SCN2A: variants seen among roughly 807,000 people sequenced by gnomAD.
SCN2A encodes sodium voltage-gated channel alpha subunit 2.
In SCN2A, 20 loss-of-function variants were observed where a neutral mutation model predicts 188.7. The observed-to-expected ratio is 0.11, with a 90% CI of 0.07 to 0.15. The LOEUF is 0.15. Ranked by LOEUF, SCN2A falls within the 10% of genes least tolerant of loss-of-function variation. The probability of loss-of-function intolerance (pLI) is 1.00; values close to 1 mark genes in which losing one functional copy is unlikely to be tolerated. For synonymous variants in SCN2A, 804 were observed against 833.1 expected (o/e 0.97, Z 0.60); for missense variants, 1,278 against 2,445.0 (o/e 0.52, Z 10.07).
At chr2:165,279,280 T>C (rs1695482542) in intron 1 of SCN2A, among the ~76,000 whole-genome samples, 1 of 152,174 alleles carries the variant, frequency 6.6e-6, no homozygotes, top group Admixed American at 6.5e-5. Flanking sequence ...TTTGAGATAA[T>C]TTTGATAAGT....
Position 165,310,341 on chromosome 2 carries a change from G to A in SCN2A, c.716G>A (p.Gly239Glu). The A allele has an allele frequency of 6.2e-7, 1 of 1,613,512 alleles. No individual in the cohort carries two copies. Among genetic ancestry groups the A allele is most frequent in the Non-Finnish European group, 8.5e-7 (1 of 1,179,566 alleles). ...TTTGTAGGCCTGAAGACCATTGTGG[G>A]GGCCCTGATCCAGTCAGTGAAGAAG... ...SVIPGLKTIV[G>E]ALIQSVKKLS... Residue 239 changes from glycine to glutamate, a missense_variant, in exon 7 of 27, where the codon GGG (glycine) becomes GAG (glutamate). By Grantham distance (98) the Gly-to-Glu change is moderately conservative (BLOSUM62 -2). Coordinates refer to ENST00000375437, the MANE Select transcript of SCN2A (RefSeq NM_001040142.2).
At chr2:165,291,436 C>CTGTT (rs1553563559) in intron 1 of SCN2A, among the ~76,000 whole-genome samples, 21 of 65,428 alleles carry the variant, frequency 3.2e-4, no homozygotes, top group African/African-American at 1.1e-3. Flanking sequence ...GTCTTTCTTT[C>CTGTT]TCTTTCTTTC....
intron 11 of SCN2A, among the ~76,000 whole-genome samples, chr2:165,319,980 T>C (rs1210471035): frequency 6.6e-6 from 1 of 152,156 alleles, no homozygotes; most frequent in Non-Finnish European, 1.5e-5. Flanking sequence ...CAGCATTAAT[T>C]CAAAAGTCCA....
At chr2:165,295,098 C>T (rs1696434960) in intron 1 of SCN2A, among the ~76,000 whole-genome samples, 2 of 152,130 alleles carry the variant, frequency 1.3e-5, no homozygotes, top group Admixed American at 1.3e-4. Flanking sequence ...TGACTTCCTG[C>T]CCGGTTTGGC....
intron 6 of SCN2A, among the ~76,000 whole-genome samples, chr2:165,309,806 A>C (rs1480153722): frequency 6.6e-6 from 1 of 152,170 alleles, no homozygotes; most frequent in Non-Finnish European, 1.5e-5. Flanking sequence ...GCTGCAGATA[A>C]ATGAAAGAGC....
At chr2:165,315,875 G>T (rs1697720342) in intron 11 of SCN2A, 117 bp downstream of exon 11, 1 of 1,180,038 alleles carries the variant, frequency 8.5e-7, no homozygotes, top group Admixed American at 2.3e-5. Context: ...TCAGAGTAGT[G>T]ATGATTATCA....
At chr2:165,265,471 C>CTCTCTCTCTCTCTCTCTA (rs1380825419) in intron 1 of SCN2A, among the ~76,000 whole-genome samples, 2 of 29,016 alleles carry the variant, frequency 6.9e-5, no homozygotes, top group Non-Finnish European at 1.3e-4. Context: ...CTCTGTTGAT[C>CTCTCTCTCTCTCTCTCTA]TATATATATA....
intron 17 of SCN2A, 67 bp from the exon 18 acceptor site, chr2:165,365,076 T>A (rs1189094225): frequency 5.1e-6 from 7 of 1,385,600 alleles, no homozygotes; most frequent in African/African-American, 4.3e-5. Flanking sequence ...GGGGCACACC[T>A]AATTAATTTT....
In SCN2A at chr2:165,323,145, G is replaced by T. The variant is rs775876331; in HGVS notation, c.1672-11G>T. 6.2e-7 allele frequency: 1 copy of T among 1,612,412 alleles called. No homozygotes were observed. The highest frequency in any genetic ancestry group is 8.5e-7 in the Non-Finnish European group (1 of 1,178,790). On this transcript the variant is annotated splice_polypyrimidine_tract_variant and intron_variant, in intron 11 of 26. Transcript: ENST00000375437. Reference sequence around the variant, plus strand: ...TCATCTCATTTTTGTTTCTTCTCTTGTTATTCATAGTCCTTACTGAGCATC... The same window carrying T: ...TCATCTCATTTTTGTTTCTTCTCTTTTTATTCATAGTCCTTACTGAGCATC...
intron 1 of SCN2A, among the ~76,000 whole-genome samples, chr2:165,240,738 T>C (rs1305605256): frequency 1.3e-5 from 2 of 148,986 alleles, no homozygotes; most frequent in African/African-American, 4.9e-5. Flanking sequence ...AGGATGTTTT[T>C]ATCTCAGTCA....
At chr2:165,307,778 G>A (rs2105241079) in intron 3 of SCN2A, 70 bp from the exon 4 acceptor site, 1 of 964,870 alleles carries the variant, frequency 1.0e-6, no homozygotes, top group Non-Finnish European at 1.7e-6. Context: ...ACTTCATGGT[G>A]GTGAAGGCAT....
chr2:165,254,088 T>C (rs887841962), intron 1 of SCN2A, among the ~76,000 whole-genome samples: 4 of 151,920 alleles, frequency 2.6e-5, no homozygotes, highest in Non-Finnish European at 5.9e-5. Flanking sequence ...GATATATTGA[T>C]GTAAATTTGA....
intron 21 of SCN2A, 148 bp downstream of exon 21, chr2:165,373,495 T>G: frequency 1.1e-6 from 1 of 883,220 alleles, no homozygotes; most frequent in Non-Finnish European, 1.7e-6. Flanking sequence ...ATTTACCAGA[T>G]GCCCATAATA....
rs2105247434 is a variant in SCN2A at position 165,310,441 on chromosome 2, C to A, written c.816C>A (p.Gly272=). The part of the protein sequence containing the change: ...FALIGLQLFM[G]NLRNKCLQWP... ...TAATAGGATTGCAGTTGTTCATGGG[C>A]AACCTACGAAATAAATGTTTGCAAT... The change falls in exon 7 of 27, where the codon GGC becomes GGA. Residue 272 remains glycine, a synonymous_variant. Transcript: ENST00000375437. The A allele has an allele frequency of 1.9e-6, 3 of 1,613,640 alleles. No individual in the cohort carries two copies. Among genetic ancestry groups the A allele is most frequent in the Admixed American group, 1.7e-5 (1 of 59,962 alleles).
In SCN2A at chr2:165,357,874, G is replaced by T. The variant is rs150211305; in HGVS notation, c.3399+3203G>T. 3.9e-5 allele frequency among the ~76,000 whole-genome samples: 6 copies of T among 152,198 alleles called. No homozygotes were observed. In the East Asian group the frequency reaches 9.7e-4, roughly 25 times the overall value. Reference sequence around the variant, plus strand: ...TTTACCCAGGTTACCCAAGCAAGTTGTACATCTATAAATATAATCAGTTTC... The same window carrying T: ...TTTACCCAGGTTACCCAAGCAAGTTTTACATCTATAAATATAATCAGTTTC... On this transcript the variant is annotated intron_variant, in intron 17 of 26. Coordinates refer to ENST00000375437, the MANE Select transcript of SCN2A (RefSeq NM_001040142.2).
Position 165,323,231 on chromosome 2 carries a change from C to G in SCN2A, c.1747C>G (p.Arg583Gly), listed in dbSNP as rs1553571901. Reference sequence around the variant, plus strand: ...GGCGAGCCTTTTCAGCTTCAGAGGTCGAGCAAAGGACATTGGCTCTGAGAA... The same window carrying G: ...GGCGAGCCTTTTCAGCTTCAGAGGTGGAGCAAAGGACATTGGCTCTGAGAA... ...SRASLFSFRG[R>G]AKDIGSENDF... Residue 583 changes from arginine to glycine, a missense_variant, in exon 12 of 27, where the codon CGA becomes GGA. Arg to Gly is a moderately radical substitution (Grantham distance 125, BLOSUM62 -2). This residue lies in a region of SCN2A where 315 missense variants were observed against 386.6 expected (regional missense o/e 0.81). Coordinates refer to ENST00000375437, the MANE Select transcript of SCN2A (RefSeq NM_001040142.2). 4.3e-6 allele frequency: 7 copies of G among 1,614,030 alleles called. No individual in the cohort carries two copies. The highest frequency in any genetic ancestry group is 2.7e-5 in the African/African-American group (2 of 74,904).
intron 1 of SCN2A, among the ~76,000 whole-genome samples, chr2:165,240,713 C>T (rs565347039): frequency 5.8e-4 from 56 of 96,606 alleles, no homozygotes; most frequent in Non-Finnish European, 1.1e-3. Context: ...AGGTGGCAGG[C>T]GGTGGAGGTG....
At chr2:165,262,202 T>A (rs1005768758) in intron 1 of SCN2A, among the ~76,000 whole-genome samples, 1 of 152,144 alleles carries the variant, frequency 6.6e-6, no homozygotes, top group African/African-American at 2.4e-5. Flanking sequence ...GATGAGGGTT[T>A]GTTTTACCCA....
In SCN2A at chr2:165,392,247, A is replaced by G. The variant is rs77976453; in HGVS notation, c.*2423A>G. The stretch of plus-strand genomic sequence containing the variant: ...ACTTTAATATTGGCCAAAAAGCTAG[A>G]TATGGCATCAGGTAGACTAGTGGAA... On this transcript the variant is annotated 3_prime_UTR_variant, in exon 27 of 27. Transcript: ENST00000375437. 9.7e-3 allele frequency: 1,488 copies of G among 152,648 alleles called. 16 individuals are homozygous for G. The highest frequency in any genetic ancestry group is 0.024 in the Middle Eastern group (7 of 294). The allele number at this position is 152,648 out of a possible 1,614,324, so 9.5% of individuals were successfully genotyped here.
Sources: allele counts gnomAD v4.1 joint callset (sites outside exome capture counted in the v4.1 genomes callset), GRCh38; gene constraint gnomAD v4.1.1; regional missense constraint gnomAD v4.1.1; transcripts MANE v1.5; gene names NCBI Gene and HGNC (gene_info 2026-07-23, HGNC 2026-07-21).